Variants in VAV3 observed in about 807,000 individuals in gnomAD.
The protein encoded by VAV3 is guanine nucleotide exchange factor VAV3.
VAV3 carries 94 observed loss-of-function variants against 131.2 expected under a neutral mutation model. That is an observed-to-expected ratio of 0.72 (90% CI 0.61 to 0.85). The LOEUF (loss-of-function observed/expected upper bound fraction) is 0.85. VAV3 is among the 40% of genes least tolerant of loss of function. The probability of loss-of-function intolerance (pLI) is 0.00; values close to 1 mark genes in which losing one functional copy is unlikely to be tolerated. For missense variants in VAV3, 939 were observed against 1,002.7 expected, an observed-to-expected ratio of 0.94 and a Z score of 0.86; for synonymous variants, 349 against 342.0, an observed-to-expected ratio of 1.02 and a Z score of -0.22.
chr1:107,673,404 C>T (rs776500083), intron 19 of VAV3, among the ~76,000 whole-genome samples: 11 of 152,186 alleles, frequency 7.2e-5, no homozygotes, highest in Non-Finnish European at 1.5e-4. Context: ...CCTTCTCCAA[C>T]TCAGGGCCTT....
chr1:107,876,293 A>G lies in VAV3; in HGVS notation c.205-1276T>C, dbSNP rs1670493493. 2.0e-5 allele frequency among the ~76,000 whole-genome samples: 3 copies of G among 152,250 alleles called. No homozygotes were observed. In the South Asian group the frequency reaches 6.2e-4, roughly 32 times the overall value. On this transcript the variant is annotated intron_variant, in intron 1 of 26. Coordinates refer to ENST00000370056, the MANE Select transcript of VAV3 (RefSeq NM_006113.5). Reference sequence around the variant, plus strand: ...GTACCTTGACAAAAGCAGGCTCTATATGGAGGAGTGGGATGAAAGGCCTCT... The same window carrying G: ...GTACCTTGACAAAAGCAGGCTCTATGTGGAGGAGTGGGATGAAAGGCCTCT...
At chr1:107,918,686 C>CATATATATATATATAT (rs67156403) in intron 1 of VAV3, among the ~76,000 whole-genome samples, 1 of 134,330 alleles carries the variant, frequency 7.4e-6, no homozygotes, top group Non-Finnish European at 1.6e-5. Context: ...ATTTTTAAGG[C>CATATATATATATATAT]ATATATATAT....
intron 8 of VAV3, 126 bp downstream of exon 8, chr1:107,766,321 C>T (rs1664731698): frequency 4.8e-6 from 3 of 619,024 alleles, no homozygotes; most frequent in South Asian, 4.4e-5. Flanking sequence ...AATTGTCCCA[C>T]GTTCTAATTA....
In VAV3 at chr1:107,772,744, T is replaced by G; in HGVS notation, c.546A>C (p.Ala182=). 6.2e-7 allele frequency: 1 copy of G among 1,613,264 alleles called. No homozygotes were observed. The highest frequency in any genetic ancestry group is 8.5e-7 in the Non-Finnish European group (1 of 1,179,492). The stretch of plus-strand genomic sequence containing the variant: ...CAAGTAAAAGTCCTACGGGCTGATG[T>G]GCTTCCTCTGCCTTCATTAAGTCCT... ...VYEDLMKAEE[A]HQPKCPENDI... Residue 182 remains alanine (A), a synonymous_variant, in exon 5 of 27, where the codon GCA becomes GCC. Coordinates refer to ENST00000370056, the MANE Select transcript of VAV3 (RefSeq NM_006113.5).
At chr1:107,951,085 CT>C (rs1674510402) in intron 1 of VAV3, among the ~76,000 whole-genome samples, 1 of 151,578 alleles carries the variant, frequency 6.6e-6, no homozygotes, top group Admixed American at 6.5e-5. Flanking sequence ...ATTTCCAGTA[CT>C]AATGTTATTA....
intron 2 of VAV3, among the ~76,000 whole-genome samples, chr1:107,813,118 CA>C (rs11310564): frequency 0.61 from 80,573 of 133,016 alleles, 23,043 homozygotes; most frequent in East Asian, 0.69. Context: ...GACTCCGTCT[CA>C]AAAAAAAAAA....
At chr1:107,662,574 T>A (rs1160200233) in intron 19 of VAV3, among the ~76,000 whole-genome samples, 1 of 152,210 alleles carries the variant, frequency 6.6e-6, no homozygotes, top group Admixed American at 6.5e-5. Context: ...TTAAAAGCAC[T>A]AAGAGTTGAA....
At chr1:107,770,445 A>G (rs1277545310) in intron 6 of VAV3, among the ~76,000 whole-genome samples, 191 bp downstream of exon 6, 1 of 152,190 alleles carries the variant, frequency 6.6e-6, no homozygotes, top group African/African-American at 2.4e-5. Flanking sequence ...TAGTCCCTGA[A>G]ACAGTGCCAC....
intron 2 of VAV3, among the ~76,000 whole-genome samples, chr1:107,833,967 C>T (rs1668367906): frequency 6.6e-6 from 1 of 152,206 alleles, no homozygotes; most frequent in Non-Finnish European, 1.5e-5. Context: ...TCACATGAGA[C>T]AGTATCAGAT....
chr1:107,794,506 T>C (rs938878820), intron 2 of VAV3, among the ~76,000 whole-genome samples: 2 of 152,254 alleles, frequency 1.3e-5, no homozygotes, highest in Admixed American at 6.5e-5. Flanking sequence ...GAATGACTTT[T>C]ATTTTGATTA....
chr1:107,840,698 A>C (rs374342439), intron 2 of VAV3, among the ~76,000 whole-genome samples: 2 of 152,290 alleles, frequency 1.3e-5, no homozygotes, highest in African/African-American at 4.8e-5. Flanking sequence ...GCAGGAAAGG[A>C]AAAAAAGTGA....
chr1:107,591,984 C>T (rs1650993184), intron 25 of VAV3, among the ~76,000 whole-genome samples: 1 of 151,906 alleles, frequency 6.6e-6, no homozygotes, highest in Non-Finnish European at 1.5e-5. Context: ...TCTTTTATAG[C>T]AACATATATA....
At chr1:107,631,723 C>T (rs1217180550) in intron 20 of VAV3, among the ~76,000 whole-genome samples, 3 of 146,054 alleles carry the variant, frequency 2.1e-5, no homozygotes, top group African/African-American at 5.1e-5. Flanking sequence ...TGAGAACATG[C>T]GGTGTTTGGT....
At chr1:107,772,139 T>C (rs1314814724) in intron 5 of VAV3, among the ~76,000 whole-genome samples, 1 of 152,224 alleles carries the variant, frequency 6.6e-6, no homozygotes, top group Non-Finnish European at 1.5e-5. Context: ...TGTTTCAAAT[T>C]GTAAATGAGA....
chr1:107,671,777 C>CAA (rs11379276), intron 19 of VAV3, among the ~76,000 whole-genome samples: 1,832 of 151,008 alleles, frequency 0.012, 27 homozygotes, highest in African/African-American at 0.033. Flanking sequence ...CATATTTTAC[C>CAA]AAAAAAAACA....
chr1:107,718,129 C>A (rs998834421), intron 15 of VAV3, among the ~76,000 whole-genome samples: 3 of 152,114 alleles, frequency 2.0e-5, no homozygotes, highest in Admixed American at 1.3e-4. Context: ...TGGAAGCATT[C>A]CCTTTGAAAA....
intron 2 of VAV3, among the ~76,000 whole-genome samples, chr1:107,801,879 T>C (rs537713182): frequency 2.0e-5 from 3 of 152,306 alleles, no homozygotes; most frequent in East Asian, 3.8e-4. Context: ...TCCATGAGCA[T>C]GGAATATCTT....
intron 18 of VAV3, among the ~76,000 whole-genome samples, chr1:107,686,794 A>G (rs1180975004): frequency 6.6e-6 from 1 of 152,250 alleles, no homozygotes; most frequent in Non-Finnish European, 1.5e-5. Context: ...TAAAAAGTAT[A>G]AAAGTGCCTG....
rs189781746 is a variant in VAV3 at position 107,601,748 on chromosome 1, T to C, written c.2220+649A>G. 7.2e-5 allele frequency among the ~76,000 whole-genome samples: 11 copies of C among 151,886 alleles called. No homozygotes were observed. The East Asian group carries it at 2.1e-3, about 30-fold the overall frequency. The stretch of plus-strand genomic sequence containing the variant: ...AAATGACATACACAAAATATTCTTA[T>C]ATGCTAACAAAAGTATGAATAAGTT... On this transcript the variant is annotated intron_variant, in intron 24 of 26. Transcript: ENST00000370056.
Sources: gnomAD v4.1 joint callset for allele counts (sites outside exome capture counted in the v4.1 genomes callset) on GRCh38, gnomAD v4.1.1 for gene constraint, MANE v1.5 for transcripts, NCBI Gene and HGNC (gene_info 2026-07-23, HGNC 2026-07-21) for gene names.